Variants in VIT observed in about 807,000 individuals in gnomAD.
The protein encoded by VIT is vitrin.
In VIT, 99 loss-of-function variants were observed where a neutral mutation model predicts 78.0. The observed-to-expected ratio is 1.27, with a 90% CI of 1.08 to 1.50. VIT has a LOEUF of 1.50. Among genes scored for constraint, VIT ranks in the 40% most tolerant of loss-of-function variants. The probability of loss-of-function intolerance (pLI) is 0.00; values close to 1 mark genes in which losing one functional copy is unlikely to be tolerated. For synonymous variants in VIT, 374 were observed against 334.3 expected (o/e 1.12, Z -1.29); for missense variants, 1,126 against 875.3 (o/e 1.29, Z -3.61).
Position 36,758,960 on chromosome 2 carries a change from T to G in VIT, c.410-9T>G. 6.2e-7 allele frequency: 1 copy of G among 1,612,200 alleles called. No homozygotes were observed. The highest frequency in any genetic ancestry group is 8.5e-7 in the Non-Finnish European group (1 of 1,179,166). On this transcript the variant is annotated splice_polypyrimidine_tract_variant and intron_variant, in intron 5 of 15. Transcript: ENST00000379242. ...AATAAATCTCGTTTTTTTTTTCTCT[T>G]TTTTGCAGAAAGTAAACCCAAAAAG...
At chr2:36,704,879 G>C (rs573109931) in intron 1 of VIT, among the ~76,000 whole-genome samples, 1 of 152,108 alleles carries the variant, frequency 6.6e-6, no homozygotes. Context: ...GGAAAGTTTT[G>C]CCGGACCTGA....
At chr2:36,717,348 G>C (rs1216631797) in intron 2 of VIT, among the ~76,000 whole-genome samples, 1 of 123,010 alleles carries the variant, frequency 8.1e-6, no homozygotes, top group African/African-American at 3.6e-5. Flanking sequence ...GTGTGTGTGT[G>C]TGTGTGTGTG....
In VIT at chr2:36,712,851, A is replaced by G. The variant is rs547080708; in HGVS notation, c.-18-3502A>G. Among the ~76,000 whole-genome samples the G allele has an allele frequency of 3.9e-5, 6 of 152,366 alleles. No individual in the cohort carries two copies. The South Asian group carries it at 1.2e-3, about 32-fold the overall frequency. The stretch of plus-strand genomic sequence containing the variant: ...CTCCGTCTCAATCAATCAATCAATT[A>G]AAGTGTATAATTCAGTAGTTTCTAA... On this transcript the variant is annotated intron_variant, in intron 1 of 15. Coordinates refer to ENST00000379242, the MANE Select transcript of VIT (RefSeq NM_053276.4).
At chr2:36,754,865 A>G in intron 4 of VIT, 56 bp from the exon 5 acceptor site, 1 of 1,576,120 alleles carries the variant, frequency 6.3e-7, no homozygotes, top group African/African-American at 1.4e-5. Flanking sequence ...TAGCCTGTTG[A>G]TCACGTCAAA....
At chr2:36,786,798 G>T (rs1197339325) in intron 11 of VIT, among the ~76,000 whole-genome samples, 1 of 152,198 alleles carries the variant, frequency 6.6e-6, no homozygotes, top group South Asian at 2.1e-4. Flanking sequence ...CTCACAACGG[G>T]GAGTCTGCAC....
chr2:36,809,012 G>T, intron 15 of VIT, 27 bp downstream of exon 15: 2 of 1,538,248 alleles, frequency 1.3e-6, no homozygotes, highest in African/African-American at 1.4e-5. Flanking sequence ...AAGCAGCCTG[G>T]TGCTGAGGCT....
chr2:36,744,178 T>C (rs1668000173), intron 4 of VIT, among the ~76,000 whole-genome samples: 1 of 152,226 alleles, frequency 6.6e-6, no homozygotes, highest in Non-Finnish European at 1.5e-5. Context: ...ATGGTGTATA[T>C]GTACCACATT....
At chr2:36,707,454 C>T (rs529020581) in intron 1 of VIT, among the ~76,000 whole-genome samples, 1 of 152,316 alleles carries the variant, frequency 6.6e-6, no homozygotes, top group Admixed American at 6.5e-5. Context: ...TGTTACAACC[C>T]AGGACACAGC....
In VIT at chr2:36,805,404, A is replaced by G. The variant is rs376535454; in HGVS notation, c.1163-34A>G. ...TCTTCCTGTATTTATAATCAGCGTG[A>G]TCACTCCAAGCATGAATTTTCTTTT... On this transcript the variant is annotated intron_variant, in intron 13 of 15. Coordinates refer to ENST00000379242, the MANE Select transcript of VIT (RefSeq NM_053276.4). 1.1e-5 allele frequency: 17 copies of G among 1,546,830 alleles called. No homozygotes were observed. In the African/African-American group the frequency reaches 2.1e-4, roughly 19 times the overall value.
chr2:36,807,545 T>C (rs1465243888), intron 14 of VIT, among the ~76,000 whole-genome samples: 1 of 152,232 alleles, frequency 6.6e-6, no homozygotes, highest in Non-Finnish European at 1.5e-5. Flanking sequence ...TTGAAAAATA[T>C]TTTCCAGGAA....
intron 7 of VIT, among the ~76,000 whole-genome samples, chr2:36,769,789 C>T (rs1669639015): frequency 6.6e-6 from 1 of 152,132 alleles, no homozygotes; most frequent in South Asian, 2.1e-4. Flanking sequence ...AATTCTAGAA[C>T]ATTTTCATCC....
At chr2:36,732,915 G>A (rs1207661653) in intron 3 of VIT, among the ~76,000 whole-genome samples, 1 of 152,154 alleles carries the variant, frequency 6.6e-6, no homozygotes, top group Non-Finnish European at 1.5e-5. Flanking sequence ...AGTGTAATAA[G>A]CAGAAAGAAC....
intron 1 of VIT, among the ~76,000 whole-genome samples, chr2:36,705,898 T>G (rs760093549): frequency 2.0e-5 from 3 of 152,158 alleles, no homozygotes; most frequent in Non-Finnish European, 4.4e-5. Flanking sequence ...GGATGGTCAG[T>G]AGTATCTCCA....
chr2:36,733,115 G>A (rs1205646018), intron 3 of VIT, among the ~76,000 whole-genome samples: 2 of 152,190 alleles, frequency 1.3e-5, no homozygotes, highest in African/African-American at 2.4e-5. Context: ...GTCTTCATGT[G>A]GGTTATTTTG....
At chr2:36,755,080 T>C in intron 5 of VIT, 26 bp downstream of exon 5, 1 of 1,603,678 alleles carries the variant, frequency 6.2e-7, no homozygotes, top group South Asian at 1.1e-5. Flanking sequence ...GGAGAAACGC[T>C]GCTAAACCTA....
intron 1 of VIT, among the ~76,000 whole-genome samples, chr2:36,702,501 C>T (rs991102230): frequency 6.6e-6 from 1 of 152,080 alleles, no homozygotes; most frequent in Admixed American, 6.5e-5. Flanking sequence ...TCCTTAAAAA[C>T]GTAAAGATGA....
At chr2:36,801,861 CT>C (rs1217533900) in intron 13 of VIT, among the ~76,000 whole-genome samples, 1 of 152,004 alleles carries the variant, frequency 6.6e-6, no homozygotes, top group African/African-American at 2.4e-5. Flanking sequence ...GGGCAAGAAT[CT>C]TTAACACACA....
intron 1 of VIT, among the ~76,000 whole-genome samples, chr2:36,698,967 G>T (rs116708192): frequency 0.037 from 5,328 of 145,960 alleles, 128 homozygotes; most frequent in African/African-American, 0.071. Context: ...GAAAAGAAAA[G>T]AAAAGAAATG....
intron 1 of VIT, among the ~76,000 whole-genome samples, chr2:36,701,105 TA>T (rs10650621): frequency 4.7e-5 from 7 of 150,176 alleles, no homozygotes; most frequent in African/African-American, 7.4e-5. Context: ...GAAATTTCTT[TA>T]AAAAAAAAAA....
Sources: allele counts gnomAD v4.1 joint callset (sites outside exome capture counted in the v4.1 genomes callset), GRCh38; gene constraint gnomAD v4.1.1; transcripts MANE v1.5; gene names NCBI Gene and HGNC (gene_info 2026-07-23, HGNC 2026-07-21).